ABCB1: variants seen among roughly 807,000 people sequenced by gnomAD.
ABCB1 encodes ATP-dependent translocase ABCB1.
ABCB1 carries 69 observed loss-of-function variants against 142.0 expected under a neutral mutation model. The ratio of observed to expected loss-of-function variants is 0.49; its 90% confidence interval spans 0.40 to 0.59. The LOEUF (loss-of-function observed/expected upper bound fraction) is 0.59, where lower values mean the gene tolerates loss of function less well. Ranked by LOEUF, ABCB1 falls within the 20% of genes least tolerant of loss-of-function variation. The pLI, the probability that ABCB1 is intolerant of heterozygous loss-of-function variation, is 0.00. For synonymous variants in ABCB1, 532 were observed against 539.2 expected, an observed-to-expected ratio of 0.99 and a Z score of 0.18; for missense variants, 1,326 against 1,554.7, an observed-to-expected ratio of 0.85 and a Z score of 2.47.
chr7:87,558,714 C>T (rs1386924655), intron 8 of ABCB1, among the ~76,000 whole-genome samples: 1 of 151,766 alleles, frequency 6.6e-6, no homozygotes, highest in Non-Finnish European at 1.5e-5. Context: ...AATGTTTCAC[C>T]ACTAAATGTT....
At chr7:87,507,009 C>G (rs570651082) in intron 26 of ABCB1, among the ~76,000 whole-genome samples, 2 of 152,254 alleles carry the variant, frequency 1.3e-5, no homozygotes, top group African/African-American at 4.8e-5. Flanking sequence ...TAGTTGCACT[C>G]TTGATATAGT....
intron 8 of ABCB1, among the ~76,000 whole-genome samples, chr7:87,560,717 T>A (rs1817525183): frequency 6.6e-6 from 1 of 152,222 alleles, no homozygotes; most frequent in East Asian, 1.9e-4. Flanking sequence ...CTGATTTATA[T>A]TCTAAATTTC....
upstream of ABCB1, among the ~76,000 whole-genome samples, chr7:87,604,914 T>G (rs528788118): frequency 3.3e-5 from 5 of 152,370 alleles, no homozygotes; most frequent in South Asian, 1.0e-3. Flanking sequence ...TCTCTCATTT[T>G]GTATTTATTA....
At chr7:87,700,325 A>G in intron 1 of ABCB1, 1 of 1,082,302 alleles carries the variant, frequency 9.2e-7, no homozygotes, top group East Asian at 2.6e-5. Context: ...AGTTCACTAT[A>G]TTACCTTTAT....
At chr7:87,580,321 T>C (rs1818455500) in intron 4 of ABCB1, among the ~76,000 whole-genome samples, 1 of 152,224 alleles carries the variant, frequency 6.6e-6, no homozygotes, top group African/African-American at 2.4e-5. Context: ...CATTGGATAT[T>C]CTATTTTAGG....
At chr7:87,618,303 G>A (rs1274749115) in intron 1 of ABCB1, among the ~76,000 whole-genome samples, 1 of 152,144 alleles carries the variant, frequency 6.6e-6, no homozygotes, top group Non-Finnish European at 1.5e-5. Context: ...AGCTCTATGA[G>A]AGCAGGAATT....
intron 20 of ABCB1, chr7:87,531,746 T>C (rs1816066102): frequency 6.5e-6 from 3 of 461,370 alleles, no homozygotes; most frequent in Non-Finnish European, 1.2e-5. Flanking sequence ...GATCTTTTAA[T>C]ACCAAGAAAA....
chr7:87,656,616 TAG>T (rs1563108356), intron 1 of ABCB1, among the ~76,000 whole-genome samples: 1 of 152,062 alleles, frequency 6.6e-6, no homozygotes, highest in African/African-American at 2.4e-5. Flanking sequence ...AGAAAGACGT[TAG>T]AGGATACTCA....
At chr7:87,601,100 A>G (rs1216709638), upstream of ABCB1, 1 of 152,214 alleles carries the variant, frequency 6.6e-6, no homozygotes, top group African/African-American at 2.4e-5. Context: ...AAGTAGAGAA[A>G]CGCGCATCAG....
chr7:87,696,103 A>G (rs958085907), intron 1 of ABCB1, among the ~76,000 whole-genome samples: 1 of 152,172 alleles, frequency 6.6e-6, no homozygotes, highest in Admixed American at 6.5e-5. Flanking sequence ...CATTGGGAAA[A>G]TGTTAACTTC....
At chr7:87,625,756 G>C (rs569918525) in intron 1 of ABCB1, among the ~76,000 whole-genome samples, 1 of 152,142 alleles carries the variant, frequency 6.6e-6, no homozygotes, top group South Asian at 2.1e-4. Context: ...ATAAGCCTCC[G>C]TGTCACAGGA....
intron 4 of ABCB1, among the ~76,000 whole-genome samples, chr7:87,575,089 T>C (rs939823280): frequency 1.3e-5 from 2 of 152,308 alleles, no homozygotes; most frequent in Non-Finnish European, 2.9e-5. Context: ...ATTAGACCTT[T>C]CTACCTGGCA....
chr7:87,667,854 T>C (rs1825418337), intron 1 of ABCB1, among the ~76,000 whole-genome samples: 1 of 152,110 alleles, frequency 6.6e-6, no homozygotes, highest in African/African-American at 2.4e-5. Context: ...CTTGATGGAT[T>C]AGCTTTTTGA....
At chr7:87,534,026 G>A (rs1198403518) in intron 20 of ABCB1, among the ~76,000 whole-genome samples, 1 of 152,152 alleles carries the variant, frequency 6.6e-6, no homozygotes, top group Non-Finnish European at 1.5e-5. Context: ...ATTAGAGACA[G>A]TGAATATGGC....
At chr7:87,537,980 C>T (rs6952752) in intron 19 of ABCB1, among the ~76,000 whole-genome samples, 4,080 of 152,224 alleles carry the variant, frequency 0.027, 192 homozygotes, top group African/African-American at 0.092. Flanking sequence ...TATCAACTTG[C>T]TTTTCAATAT....
At chr7:87,540,511 G>A (rs957058147) in intron 18 of ABCB1, among the ~76,000 whole-genome samples, 5 of 152,178 alleles carry the variant, frequency 3.3e-5, no homozygotes, top group African/African-American at 9.7e-5. Flanking sequence ...CACGATCATG[G>A]CTCACAGCAA....
intron 1 of ABCB1, among the ~76,000 whole-genome samples, chr7:87,652,621 GATATATATATATAT>G (rs373344881): frequency 3.2e-5 from 4 of 125,414 alleles, no homozygotes; most frequent in African/African-American, 1.4e-4. Context: ...TGTGGTCACT[GATATATATATATAT>G]ATATATATAT....
chr7:87,652,724 A>T (rs963412948), intron 1 of ABCB1, among the ~76,000 whole-genome samples: 1 of 150,450 alleles, frequency 6.6e-6, no homozygotes, highest in Non-Finnish European at 1.5e-5. Context: ...TTCATATATT[A>T]TTTCCTATTT....
intron 2 of ABCB1, among the ~76,000 whole-genome samples, chr7:87,597,867 G>A (rs752185390): frequency 5.3e-5 from 8 of 151,958 alleles, no homozygotes; most frequent in Non-Finnish European, 1.0e-4. Flanking sequence ...TTTTTTCCTT[G>A]TTGAACTTTT....
Sources: allele counts gnomAD v4.1 joint callset (sites outside exome capture counted in the v4.1 genomes callset), GRCh38; gene constraint gnomAD v4.1.1; transcripts MANE v1.5; gene names NCBI Gene and HGNC (gene_info 2026-07-23, HGNC 2026-07-21).